TULP4: variants seen among roughly 807,000 people sequenced by gnomAD.
The protein encoded by TULP4 is TUB like protein 4, also known as tubby-related protein 4.
Under a neutral mutation model 129.0 loss-of-function variants are expected in TULP4, and 16 were observed. The observed-to-expected ratio is 0.12, with a 90% CI of 0.08 to 0.19. The LOEUF is 0.19. Ranked by LOEUF, TULP4 falls within the 10% of genes least tolerant of loss-of-function variation. The pLI, the probability that TULP4 is intolerant of heterozygous loss-of-function variation, is 1.00. For missense variants in TULP4, 1,842 were observed against 2,059.1 expected, an observed-to-expected ratio of 0.89 and a Z score of 2.04; for synonymous variants, 998 against 854.0, an observed-to-expected ratio of 1.17 and a Z score of -2.94.
intron 1 of TULP4, among the ~76,000 whole-genome samples, chr6:158,291,395 A>G (rs547555751): frequency 6.2e-4 from 94 of 152,290 alleles, no homozygotes; most frequent in African/African-American, 1.3e-3. Context: ...GCCGCTGTTG[A>G]GATGTCTCTG....
chr6:158,450,056 A>G (rs771252907), intron 4 of TULP4, among the ~76,000 whole-genome samples: 3 of 152,178 alleles, frequency 2.0e-5, no homozygotes, highest in South Asian at 2.1e-4. Flanking sequence ...TTGAAACTAT[A>G]TAATATGATA....
At chr6:158,245,065 T>C (rs995901655) in intron 1 of TULP4, among the ~76,000 whole-genome samples, 1 of 152,048 alleles carries the variant, frequency 6.6e-6, no homozygotes, top group Non-Finnish European at 1.5e-5. Context: ...TCATGCTTAC[T>C]GCAGCCTGGC....
chr6:158,418,093 G>A (rs1443242649), intron 2 of TULP4, among the ~76,000 whole-genome samples: 1 of 146,596 alleles, frequency 6.8e-6, no homozygotes, highest in African/African-American at 2.5e-5. Context: ...CTTTTTGTGT[G>A]TGTGTGTTTT....
chr6:158,254,329 G>A (rs1778206725), intron 1 of TULP4, among the ~76,000 whole-genome samples: 1 of 152,096 alleles, frequency 6.6e-6, no homozygotes, highest in Non-Finnish European at 1.5e-5. Context: ...TTTTAGTAGA[G>A]ATGGGGTTTT....
In TULP4 at chr6:158,507,720, T is replaced by C. The variant is rs1780636666; in HGVS notation, c.*1026T>C. 6.6e-6 allele frequency: 1 copy of C among 152,238 alleles called. No individual in the cohort carries two copies. The highest frequency in any genetic ancestry group is 2.4e-5 in the African/African-American group (1 of 41,464). The allele number at this position is 152,238 out of a possible 1,614,324, so 9.4% of individuals were successfully genotyped here. A position where few individuals can be genotyped will look rare whatever the true frequency, so the allele number is the denominator to read the frequency against. ...ACATGATCTTTCCCATGAGATACCATGTTCTATGCCTTCCCATTCTAAAAG... is the reference window on the plus strand; with the variant it reads ...ACATGATCTTTCCCATGAGATACCACGTTCTATGCCTTCCCATTCTAAAAG... On this transcript the variant is annotated 3_prime_UTR_variant, in exon 14 of 14. Transcript: ENST00000367097.
intron 2 of TULP4, among the ~76,000 whole-genome samples, chr6:158,421,118 T>A (rs948747967): frequency 5.3e-5 from 8 of 151,972 alleles, no homozygotes; most frequent in Admixed American, 1.3e-4. Context: ...TCCCAGCACT[T>A]TGGGAGGCTG....
chr6:158,318,595 A>G (rs181032369), intron 1 of TULP4, among the ~76,000 whole-genome samples: 10 of 152,340 alleles, frequency 6.6e-5, no homozygotes, highest in African/African-American at 2.2e-4. Context: ...GCTTGTATGG[A>G]GGAGAACTGG....
chr6:158,246,491 CA>C (rs72465395), intron 1 of TULP4, among the ~76,000 whole-genome samples: 46,309 of 119,756 alleles, frequency 0.39, 7,936 homozygotes, highest in Admixed American at 0.5. Flanking sequence ...GACTCCATCT[CA>C]AAAAAAAAAA....
intron 12 of TULP4, 31 bp downstream of exon 12, chr6:158,498,843 C>T (rs752732090): frequency 1.9e-5 from 31 of 1,610,812 alleles, no homozygotes; most frequent in Admixed American, 1.0e-4. Context: ...GTGTTTGTCA[C>T]GGTCCCTCTG....
chr6:158,336,031 A>AT (rs1780024141), intron 1 of TULP4, among the ~76,000 whole-genome samples: 2 of 152,232 alleles, frequency 1.3e-5, no homozygotes, highest in South Asian at 4.1e-4. Flanking sequence ...TTCCATAATG[A>AT]TGAACCATTT....
chr6:158,357,819 AT>A (rs563944442), intron 1 of TULP4, among the ~76,000 whole-genome samples: 98 of 151,878 alleles, frequency 6.5e-4, no homozygotes, highest in African/African-American at 2.3e-3. Context: ...TCACCTCTTA[AT>A]TTTTTTTCTT....
intron 1 of TULP4, among the ~76,000 whole-genome samples, chr6:158,373,462 G>A (rs1303827454): frequency 6.6e-6 from 1 of 152,232 alleles, no homozygotes; most frequent in Non-Finnish European, 1.5e-5. Context: ...CAGTTAGAGT[G>A]TGGCAGTCGA....
chr6:158,290,110 A>G (rs966342616), intron 1 of TULP4, among the ~76,000 whole-genome samples: 5 of 151,658 alleles, frequency 3.3e-5, no homozygotes, highest in Non-Finnish European at 7.4e-5. Context: ...TAATTTTAAA[A>G]TTTTTTGTAG....
chr6:158,306,797 ATC>A (rs1344952449), intron 1 of TULP4, among the ~76,000 whole-genome samples: 2 of 152,126 alleles, frequency 1.3e-5, no homozygotes, highest in African/African-American at 4.8e-5. Context: ...GCAGGGGTGG[ATC>A]ACTTGAGCCT....
intron 3 of TULP4, among the ~76,000 whole-genome samples, chr6:158,436,078 G>A (rs1778745534): frequency 6.6e-6 from 1 of 151,998 alleles, no homozygotes; most frequent in Admixed American, 6.6e-5. Flanking sequence ...CACCATGCCT[G>A]GCTAATTTTC....
At chr6:158,506,520 T>C (rs1780607235) in intron 13 of TULP4, 58 bp from the exon 14 acceptor site, 6 of 1,188,760 alleles carry the variant, frequency 5.0e-6, no homozygotes, top group Non-Finnish European at 5.0e-6. Flanking sequence ...CGTGAGCCAC[T>C]GCGCCTGGCC....
chr6:158,323,727 T>G (rs1204584468), intron 1 of TULP4, among the ~76,000 whole-genome samples: 1 of 152,188 alleles, frequency 6.6e-6, no homozygotes, highest in South Asian at 2.1e-4. Context: ...TGTTTGTGGA[T>G]TCAGTGATCT....
chr6:158,503,172 C>T lies in TULP4; in HGVS notation c.3509C>T (p.Ser1170Phe). 6.2e-7 allele frequency: 1 copy of T among 1,613,642 alleles called. No individual in the cohort carries two copies. Among genetic ancestry groups the T allele is most frequent in the Non-Finnish European group, 8.5e-7 (1 of 1,179,696 alleles). The change falls in exon 13 of 14, where the codon TCC becomes TTC. Residue 1170 changes from serine to phenylalanine, a missense_variant. This residue lies in a region of TULP4 where 1,089 missense variants were observed against 987.1 expected (regional missense o/e 1.10). Transcript: ENST00000367097. This position sits in a 1 kb window ranked among gnomAD's most constrained non-coding sequence, Gnocchi z 4.3. ...HLDVSRLPFI[S>F]PKSPASPTAT... ...GACGTGTCCCGACTGCCCTTCATCT[C>T]CCCCAAGTCTCCTGCCAGCCCCACT... is the stretch of plus-strand genomic sequence containing the variant.
chr6:158,293,649 T>C (rs1778980699), intron 1 of TULP4, among the ~76,000 whole-genome samples: 1 of 152,236 alleles, frequency 6.6e-6, no homozygotes, highest in South Asian at 2.1e-4. Flanking sequence ...CAGAATTCTA[T>C]AGACTCCACC....
Sources: gnomAD v4.1 joint callset for allele counts (sites outside exome capture counted in the v4.1 genomes callset) on GRCh38, gnomAD v4.1.1 for gene constraint, gnomAD v4.1.1 regional missense constraint, Gnocchi (gnomAD v3.1) non-coding constraint, MANE v1.5 for transcripts, NCBI Gene and HGNC (gene_info 2026-07-23, HGNC 2026-07-21) for gene names.